PCDHGA1: variants seen among roughly 807,000 people sequenced by gnomAD.
PCDHGA1 encodes the protein protocadherin gamma-A1.
A neutral mutation model predicts 58.0 loss-of-function variants in PCDHGA1; 32 were observed. The observed-to-expected ratio is 0.55, with a 90% CI of 0.42 to 0.74. PCDHGA1 has a LOEUF of 0.74. Among genes scored for constraint, PCDHGA1 ranks in the 30% least tolerant of loss-of-function variants. The pLI is 0.00. For missense variants in PCDHGA1, 1,205 were observed against 1,182.3 expected (o/e 1.02, Z -0.28); for synonymous variants, 498 against 501.1 (o/e 0.99, Z 0.08).
At chr5:141,439,780 T>G (rs1023743000) in intron 1 of PCDHGA1, 1 of 152,228 alleles carries the variant, frequency 6.6e-6, no homozygotes, top group African/African-American at 2.4e-5. Context: ...TGGCTGGAGA[T>G]TCTATAATCC....
rs932003988 is a variant in PCDHGA1 at position 141,363,453 on chromosome 5, G to A, written c.2421+30348G>A. Reference sequence around the variant, plus strand: ...ATAGAAAGGTCACTCAGTACTTCTCGACAAGTATCTGCTCATGCTTTCCTG... The same window carrying A: ...ATAGAAAGGTCACTCAGTACTTCTCAACAAGTATCTGCTCATGCTTTCCTG... On this transcript the variant is annotated intron_variant, in intron 1 of 3. Transcript: ENST00000517417. 5.9e-5 allele frequency among the ~76,000 whole-genome samples: 9 copies of A among 152,136 alleles called. No homozygotes were observed. In the South Asian group the frequency reaches 1.2e-3, roughly 21 times the overall value.
intron 1 of PCDHGA1, chr5:141,350,330 T>C: frequency 3.3e-6 from 5 of 1,537,282 alleles, no homozygotes; most frequent in Non-Finnish European, 4.4e-6. Context: ...GTCTTTGTTC[T>C]GCGGGGCCAT....
rs1467738404 is a variant in PCDHGA1 at position 141,430,698 on chromosome 5, G to A, written c.2422-64109G>A. On this transcript the variant is annotated intron_variant, in intron 1 of 3. Coordinates refer to ENST00000517417, the MANE Select transcript of PCDHGA1 (RefSeq NM_018912.3). The stretch of plus-strand genomic sequence containing the variant: ...CAACTGTCCCATTCTATGGGCGAAG[G>A]AACTGCTCCTGACTTCAGTGGTTAA... 4.1e-6 allele frequency: 6 copies of A among 1,451,686 alleles called. No homozygotes were observed. The South Asian group carries it at 7.8e-5, about 19-fold the overall frequency. The allele number at this position is 1,451,686 out of a possible 1,614,324, so 89.9% of individuals were successfully genotyped here.
intron 2 of PCDHGA1, among the ~76,000 whole-genome samples, chr5:141,503,361 C>T (rs1021880248): frequency 6.6e-6 from 1 of 151,886 alleles, no homozygotes; most frequent in Non-Finnish European, 1.5e-5. Context: ...CTTTGGGAAG[C>T]GGAGGCAGGT....
Position 141,332,894 on chromosome 5 carries a change from G to A in PCDHGA1, c.2210G>A (p.Gly737Asp). The change falls in exon 1 of 4, where the codon GGT becomes GAT. Residue 737 changes from glycine (G) to aspartate (D), a missense_variant. Physicochemically the swap from Gly to Asp is moderately conservative, Grantham distance 94. Coordinates refer to ENST00000517417, the MANE Select transcript of PCDHGA1 (RefSeq NM_018912.3). This position sits in a 1 kb window ranked among gnomAD's most constrained non-coding sequence, Gnocchi z 4.6. The stretch of plus-strand genomic sequence containing the variant: ...GGAGGCGGCTTAGCGAGCATGCCCG[G>A]TTCGCACTTTGTGGGCGTGGACGGG... ...ASGGGLASMPGSHFVGVDGVR... is the reference protein window; with the variant it reads ...ASGGGLASMPDSHFVGVDGVR... 6.2e-7 allele frequency: 1 copy of A among 1,614,214 alleles called. No homozygotes were observed.
chr5:141,403,051 C>G (rs1273209859), intron 1 of PCDHGA1: 1 of 1,614,086 alleles, frequency 6.2e-7, no homozygotes, highest in African/African-American at 1.3e-5. Flanking sequence ...AGATTCGCTA[C>G]TCAGTGCCTG....
In PCDHGA1 at chr5:141,493,548, G is replaced by A. The variant is rs1243278355; in HGVS notation, c.2422-1259G>A. 3.9e-5 allele frequency among the ~76,000 whole-genome samples: 6 copies of A among 152,196 alleles called. No homozygotes were observed. ...AAACTTGGCCAGTTATCCTTTTGGA[G>A]ATTGAGTTCCCCCAGCTCCGTTTCC... On this transcript the variant is annotated intron_variant, in intron 1 of 3. Coordinates refer to ENST00000517417, the MANE Select transcript of PCDHGA1 (RefSeq NM_018912.3). This position sits in a 1 kb window ranked among gnomAD's most constrained non-coding sequence, Gnocchi z 4.3.
At chr5:141,362,527 G>A (rs1272837280) in intron 1 of PCDHGA1, 2 of 1,613,974 alleles carry the variant, frequency 1.2e-6, no homozygotes, top group Non-Finnish European at 8.5e-7. Context: ...AGCCGCTGGG[G>A]TCCCTTTTGC....
chr5:141,390,183 T>G, intron 1 of PCDHGA1: 2 of 1,614,036 alleles, frequency 1.2e-6, no homozygotes, highest in Non-Finnish European at 1.7e-6. Context: ...TTTCCTAAAA[T>G]GTAGTGAGCA....
chr5:141,389,118 C>A (rs2091610213), intron 1 of PCDHGA1: 1 of 1,613,888 alleles, frequency 6.2e-7, no homozygotes, highest in Admixed American at 1.7e-5. Context: ...AGACCGCGAG[C>A]AGAATCCAGA....
intron 1 of PCDHGA1, chr5:141,372,157 T>A: frequency 2.5e-6 from 4 of 1,613,774 alleles, no homozygotes; most frequent in Non-Finnish European, 3.4e-6. Flanking sequence ...GGCTACCTGG[T>A]GACCAAGGTG....
intron 1 of PCDHGA1, chr5:141,428,296 AT>A: frequency 1.4e-6 from 1 of 713,574 alleles, no homozygotes; most frequent in Non-Finnish European, 2.5e-6. Flanking sequence ...AAAGCTGCAG[AT>A]TTACCTGGTC....
At chr5:141,375,211 T>A in intron 1 of PCDHGA1, 1 of 1,614,010 alleles carries the variant, frequency 6.2e-7, no homozygotes, top group South Asian at 1.1e-5. Context: ...ATCGAGACTC[T>A]GGCCTGAATG....
intron 1 of PCDHGA1, chr5:141,404,714 G>T (rs776337117): frequency 6.2e-7 from 1 of 1,614,068 alleles, no homozygotes; most frequent in Non-Finnish European, 8.5e-7. Context: ...TGGCTACCTG[G>T]TGACCAAGGT....
intron 1 of PCDHGA1, chr5:141,416,401 T>C (rs2096020867): frequency 6.6e-6 from 1 of 152,204 alleles, no homozygotes; most frequent in African/African-American, 2.4e-5. Context: ...TGCTTTTGTC[T>C]TTTTTGTTAA....
At chr5:141,404,888 G>A (rs778498828) in intron 1 of PCDHGA1, 9 of 1,613,762 alleles carry the variant, frequency 5.6e-6, no homozygotes, top group East Asian at 2.2e-5. Context: ...TGTGGTGGCT[G>A]TACAGGACCA....
intron 1 of PCDHGA1, chr5:141,419,370 A>G (rs1460064670): frequency 1.9e-6 from 3 of 1,613,574 alleles, no homozygotes; most frequent in African/African-American, 2.7e-5. Context: ...CTGTCGTCCT[A>G]CGTGTCCGTG....
intron 1 of PCDHGA1, chr5:141,356,029 G>A (rs558981733): frequency 6.2e-6 from 10 of 1,613,954 alleles, no homozygotes; most frequent in South Asian, 5.5e-5. Flanking sequence ...CAATGGAGAC[G>A]TGACGTATTC....
At chr5:141,399,581 A>G (rs375436846) in intron 1 of PCDHGA1, 20 of 1,613,788 alleles carry the variant, frequency 1.2e-5, no homozygotes, top group Non-Finnish European at 1.4e-5. Context: ...CAAGTCTCCT[A>G]CTCTATCATG....
Sources: gnomAD v4.1 joint callset for allele counts (sites outside exome capture counted in the v4.1 genomes callset) on GRCh38, gnomAD v4.1.1 for gene constraint, Gnocchi (gnomAD v3.1) non-coding constraint, MANE v1.5 for transcripts, NCBI Gene and HGNC (gene_info 2026-07-23, HGNC 2026-07-21) for gene names.